ZMYM1: variants seen among roughly 807,000 people sequenced by gnomAD.
ZMYM1 encodes zinc finger MYM-type containing 1.
ZMYM1 carries 39 observed loss-of-function variants against 60.0 expected under a neutral mutation model. That is an observed-to-expected ratio of 0.65 (90% CI 0.50 to 0.85). The LOEUF (loss-of-function observed/expected upper bound fraction) is 0.85, where lower values mean the gene tolerates loss of function less well. ZMYM1 is among the 40% of genes least tolerant of loss of function. ZMYM1 has a pLI of 0.00. For missense variants in ZMYM1, 1,171 were observed against 1,309.5 expected (o/e 0.89, Z 1.63); for synonymous variants, 413 against 454.0 (o/e 0.91, Z 1.15).
chr1:35,083,701 G>T (rs1033225616), intron 1 of ZMYM1, among the ~76,000 whole-genome samples: 3 of 151,934 alleles, frequency 2.0e-5, no homozygotes, highest in African/African-American at 7.3e-5. Context: ...CTGTAACCTG[G>T]AACTCTTTCC....
rs1251877109 is a variant in ZMYM1 at position 35,113,187 on chromosome 1, T to G, written c.1357T>G (p.Ser453Ala). The G allele has an allele frequency of 1.2e-6, 2 of 1,613,514 alleles. No individual in the cohort carries two copies. The highest frequency in any genetic ancestry group is 1.7e-6 in the Non-Finnish European group (2 of 1,179,624). The stretch of plus-strand genomic sequence containing the variant: ...CAAAGTACAAAAAGTTAAAGGTAAA[T>G]CACGAAGTATTAAAAAATCTTGTTG... ...TSKVQKVKGK[S>A]RSIKKSCCAD... Residue 453 changes from serine (S) to alanine (A), a missense_variant, in exon 10 of 10, where the codon TCA becomes GCA. Transcript: ENST00000359858.
In ZMYM1 at chr1:35,104,636, A is replaced by G. The variant is rs1643822309; in HGVS notation, c.674A>G (p.Asn225Ser). Residue 225 changes from asparagine to serine, a missense_variant, in exon 6 of 10, where the codon AAC (asparagine) becomes AGC (serine). Asn to Ser is a conservative substitution (Grantham distance 46, BLOSUM62 1). Coordinates refer to ENST00000359858, the MANE Select transcript of ZMYM1 (RefSeq NM_024772.5). ...NACLSKFHSA[N>S]NFIMNCCENC... ...TGCCTTTCAAAGTTTCACTCTGCTA[A>G]CAACTTCATCATGAACTGCTGTGAG... 1 of 1,614,072 alleles carries G rather than the reference A, an allele frequency of 6.2e-7. No homozygotes were observed. Among genetic ancestry groups the G allele is most frequent in the Non-Finnish European group, 8.5e-7 (1 of 1,180,046 alleles).
chr1:35,097,818 A>G (rs532169832), intron 4 of ZMYM1, among the ~76,000 whole-genome samples: 28 of 151,656 alleles, frequency 1.8e-4, no homozygotes, highest in African/African-American at 4.8e-5. Context: ...CTAATTTTGT[A>G]TTTTTTAGTA....
chr1:35,102,656 T>A (rs1643721188), intron 4 of ZMYM1, among the ~76,000 whole-genome samples: 1 of 152,166 alleles, frequency 6.6e-6, no homozygotes, highest in Non-Finnish European at 1.5e-5. Context: ...AGATACCCAC[T>A]TCTGGATAAT....
intron 1 of ZMYM1, among the ~76,000 whole-genome samples, chr1:35,086,534 G>A (rs1003758265): frequency 1.3e-5 from 2 of 151,996 alleles, no homozygotes; most frequent in Admixed American, 1.3e-4. Context: ...AACTTAATCT[G>A]TAGCAGTAAA....
At chr1:35,066,257 G>T (rs1641970087) in intron 1 of ZMYM1, among the ~76,000 whole-genome samples, 1 of 152,194 alleles carries the variant, frequency 6.6e-6, no homozygotes, top group South Asian at 2.1e-4. Flanking sequence ...GAGTGCAGTG[G>T]CCTGATCTCG....
chr1:35,094,064 C>T lies in ZMYM1; in HGVS notation c.77C>T (p.Thr26Ile), dbSNP rs1204424245. ...CTGGGGCTGCTAGATGAAATTAAGACAGAACCCGACAATGCTCAAGTAAAT... is the reference window on the plus strand; with the variant it reads ...CTGGGGCTGCTAGATGAAATTAAGATAGAACCCGACAATGCTCAAGTAAAT... ...SQLGLLDEIK[T>I]EPDNAQEYCH... The change falls in exon 2 of 10, where the codon ACA becomes ATA. Residue 26 changes from threonine to isoleucine, a missense_variant. Thr to Ile is a moderately conservative substitution (Grantham distance 89). Transcript: ENST00000359858. 6.2e-7 allele frequency: 1 copy of T among 1,609,890 alleles called. No individual in the cohort carries two copies.
At chr1:35,072,990 G>A (rs1642094640) in intron 1 of ZMYM1, among the ~76,000 whole-genome samples, 1 of 151,992 alleles carries the variant, frequency 6.6e-6, no homozygotes, top group African/African-American at 2.4e-5. Context: ...GCTGAGGCAG[G>A]AGAATCACTT....
intron 1 of ZMYM1, among the ~76,000 whole-genome samples, chr1:35,066,938 A>G (rs1641982299): frequency 6.6e-6 from 1 of 152,200 alleles, no homozygotes; most frequent in Non-Finnish European, 1.5e-5. Flanking sequence ...AAATAGTCAA[A>G]ACAATTTTGA....
chr1:35,092,636 C>A (rs1643093690), intron 1 of ZMYM1, among the ~76,000 whole-genome samples: 1 of 142,808 alleles, frequency 7.0e-6, no homozygotes, highest in South Asian at 2.3e-4. Context: ...TTTTCCTTTT[C>A]TTTTCTTTCT....
At chr1:35,086,392 C>T (rs1451208706) in intron 1 of ZMYM1, among the ~76,000 whole-genome samples, 1 of 151,992 alleles carries the variant, frequency 6.6e-6, no homozygotes, top group East Asian at 1.9e-4. Context: ...GCAACCTCTG[C>T]CTCCCAGGTT....
At chr1:35,117,012 T>A (rs1205403395), downstream of ZMYM1, among the ~76,000 whole-genome samples, 1 of 150,422 alleles carries the variant, frequency 6.6e-6, no homozygotes, top group Non-Finnish European at 1.5e-5. Context: ...CCCGGCTAAT[T>A]TTTTGTATTT....
intron 6 of ZMYM1, among the ~76,000 whole-genome samples, chr1:35,106,267 C>T (rs1190392454): frequency 6.6e-6 from 1 of 151,970 alleles, no homozygotes; most frequent in African/African-American, 2.4e-5. Flanking sequence ...GTTGCTTGTT[C>T]ATATCATATT....
At chr1:35,063,551 C>G (rs1180223833) in intron 1 of ZMYM1, among the ~76,000 whole-genome samples, 1 of 152,140 alleles carries the variant, frequency 6.6e-6, no homozygotes, top group Non-Finnish European at 1.5e-5. Flanking sequence ...AGTCCTTCCA[C>G]CACAGCCTCC....
intron 1 of ZMYM1, among the ~76,000 whole-genome samples, chr1:35,086,893 C>T (rs1200576619): frequency 6.6e-6 from 1 of 151,256 alleles, no homozygotes; most frequent in Non-Finnish European, 1.5e-5. Flanking sequence ...CCATCTTGGC[C>T]AGGCTGATTT....
chr1:35,103,533 A>G (rs1028392039), intron 4 of ZMYM1, among the ~76,000 whole-genome samples: 3 of 152,208 alleles, frequency 2.0e-5, no homozygotes, highest in East Asian at 1.9e-4. Context: ...ATGTAACACA[A>G]TGTGCTTATT....
chr1:35,069,701 A>G (rs535969295), intron 1 of ZMYM1, among the ~76,000 whole-genome samples: 1 of 152,272 alleles, frequency 6.6e-6, no homozygotes, highest in African/African-American at 2.4e-5. Flanking sequence ...GTTTTCTTCT[A>G]GTAATTTAAT....
chr1:35,085,094 C>T (rs1488030718), intron 1 of ZMYM1, among the ~76,000 whole-genome samples: 1 of 152,040 alleles, frequency 6.6e-6, no homozygotes, highest in Non-Finnish European at 1.5e-5. Flanking sequence ...GTCGCCCAGG[C>T]TGGAGTGCAG....
Position 35,113,072 on chromosome 1 carries a change from G to T in ZMYM1, c.1242G>T (p.Gln414His). ...CACCATCTTCATCAGTATTCAGTCA[G>T]CATGCAATTGGTTCCAGTACAGAAG... ...SVSPSSSVFSQHAIGSSTEVQ... is the reference protein window; with the variant it reads ...SVSPSSSVFSHHAIGSSTEVQ... Residue 414 changes from glutamine to histidine, a missense_variant, in exon 10 of 10, where the codon CAG becomes CAT. Physicochemically the swap from Gln to His is conservative, Grantham distance 24. Coordinates refer to ENST00000359858, the MANE Select transcript of ZMYM1 (RefSeq NM_024772.5). 1 of 1,614,026 alleles carries T rather than the reference G, an allele frequency of 6.2e-7. No homozygotes were observed. The highest frequency in any genetic ancestry group is 8.5e-7 in the Non-Finnish European group (1 of 1,179,964).
Sources: allele counts gnomAD v4.1 joint callset (sites outside exome capture counted in the v4.1 genomes callset), GRCh38; gene constraint gnomAD v4.1.1; transcripts MANE v1.5; gene names NCBI Gene and HGNC (gene_info 2026-07-23, HGNC 2026-07-21).